NYAP2: variants seen among roughly 807,000 people sequenced by gnomAD.
NYAP2 encodes neuronal tyrosine-phosphorylated phosphoinositide-3-kinase adapter 2.
In NYAP2, 23 loss-of-function variants were observed where a neutral mutation model predicts 50.4. That is an observed-to-expected ratio of 0.46 (90% confidence interval 0.33 to 0.65). The LOEUF (loss-of-function observed/expected upper bound fraction) is 0.65. NYAP2 is among the 30% of genes least tolerant of loss of function. The probability of loss-of-function intolerance (pLI) is 0.02; values close to 1 mark genes in which losing one functional copy is unlikely to be tolerated. For missense variants in NYAP2, 885 were observed against 861.0 expected, an observed-to-expected ratio of 1.03 and a Z score of -0.35; for synonymous variants, 394 against 365.2, an observed-to-expected ratio of 1.08 and a Z score of -0.90.
intron 5 of NYAP2, among the ~76,000 whole-genome samples, chr2:225,625,688 A>C (rs1693196910): frequency 1.3e-5 from 2 of 152,200 alleles, no homozygotes; most frequent in African/African-American, 4.8e-5. Flanking sequence ...GTAGGTTAAC[A>C]GGGAAAGACA....
At chr2:225,663,195 C>A in the NYAP2 span, among the ~76,000 whole-genome samples, 2 of 152,134 alleles carry the variant, frequency 1.3e-5, no homozygotes, top group Non-Finnish European at 2.9e-5. Context: ...GCCACTCCAG[C>A]ATCTTTATGA....
chr2:225,596,988 A>G (rs1692610601), intron 5 of NYAP2, among the ~76,000 whole-genome samples: 1 of 152,202 alleles, frequency 6.6e-6, no homozygotes, highest in African/African-American at 2.4e-5. Context: ...TTGTTTTAAA[A>G]AGTCGTCTGT....
chr2:225,476,730 T>C (rs72974563), intron 3 of NYAP2, among the ~76,000 whole-genome samples: 1,984 of 152,220 alleles, frequency 0.013, 19 homozygotes, highest in Admixed American at 0.024. Flanking sequence ...TCCCTAAACA[T>C]AGAATTGAAG....
intron 4 of NYAP2, among the ~76,000 whole-genome samples, chr2:225,520,592 G>T (rs7420752): frequency 0.3 from 45,974 of 152,000 alleles, 7,118 homozygotes; most frequent in South Asian, 0.48. Context: ...TAGATGTGTG[G>T]TGTTATTTCT....
At chr2:225,408,312 C>T (rs990062194) in intron 2 of NYAP2, among the ~76,000 whole-genome samples, 11 of 151,964 alleles carry the variant, frequency 7.2e-5, no homozygotes, top group African/African-American at 2.2e-4. Flanking sequence ...GGATTCTTTT[C>T]TAGAAAAGTT....
intron 4 of NYAP2, among the ~76,000 whole-genome samples, chr2:225,539,913 A>G (rs1691427398): frequency 6.6e-6 from 1 of 152,160 alleles, no homozygotes; most frequent in African/African-American, 2.4e-5. Context: ...TGCTGCTTAG[A>G]AATTTCTTCT....
intron 3 of NYAP2, among the ~76,000 whole-genome samples, chr2:225,493,727 A>G (rs1275168847): frequency 6.6e-6 from 1 of 152,210 alleles, no homozygotes; most frequent in Non-Finnish European, 1.5e-5. Flanking sequence ...TTTATTCAAA[A>G]TGAATGAAAA....
intron 3 of NYAP2, among the ~76,000 whole-genome samples, chr2:225,448,668 C>T (rs1397585139): frequency 6.6e-6 from 1 of 152,162 alleles, no homozygotes; most frequent in Admixed American, 6.5e-5. Flanking sequence ...CCCTCTCTTC[C>T]CCCAGAGAGC....
chr2:225,444,614 C>T (rs562986275), intron 3 of NYAP2, among the ~76,000 whole-genome samples: 29 of 152,232 alleles, frequency 1.9e-4, no homozygotes, highest in Admixed American at 7.9e-4. Context: ...TCTTGAAGGA[C>T]ATGATTCTTT....
At chr2:225,567,310 G>T (rs1574682279) in intron 4 of NYAP2, among the ~76,000 whole-genome samples, 1 of 152,074 alleles carries the variant, frequency 6.6e-6, no homozygotes, top group Admixed American at 6.5e-5. Flanking sequence ...TTTCATTAAA[G>T]AAATGAAAGT....
upstream of NYAP2, among the ~76,000 whole-genome samples, chr2:225,399,309 G>T (rs1211801015): frequency 6.6e-6 from 1 of 151,956 alleles, no homozygotes. Context: ...GGAGGAGCCA[G>T]TATGAGAAAA....
chr2:225,648,094 A>G (rs1693665843), intron 6 of NYAP2, among the ~76,000 whole-genome samples: 1 of 152,122 alleles, frequency 6.6e-6, no homozygotes, highest in Admixed American at 6.5e-5. Flanking sequence ...TCTGCCTCCC[A>G]GGTTCAAGTG....
At chr2:225,571,433 C>T (rs1476117661) in intron 4 of NYAP2, among the ~76,000 whole-genome samples, 2 of 152,256 alleles carry the variant, frequency 1.3e-5, no homozygotes, top group African/African-American at 4.8e-5. Context: ...CATTTCCATA[C>T]ATCCTTGGAA....
At chr2:225,512,877 CTTCCTTCCTTCCTTCCTTCCT>C (rs1690855894) in intron 3 of NYAP2, among the ~76,000 whole-genome samples, 2 of 127,270 alleles carry the variant, frequency 1.6e-5, no homozygotes, top group Admixed American at 8.7e-5. Flanking sequence ...TCCTTCCTTC[CTTCCTTCCTTCCTTCCTTCCT>C]TTCCTTTCCT....
At chr2:225,645,841 C>A (rs539318138) in intron 6 of NYAP2, among the ~76,000 whole-genome samples, 1 of 152,300 alleles carries the variant, frequency 6.6e-6, no homozygotes, top group South Asian at 2.1e-4. Flanking sequence ...CCGTTCAAGT[C>A]TCAAAGAGCA....
chr2:225,599,656 T>A (rs1692663494), intron 5 of NYAP2, among the ~76,000 whole-genome samples: 1 of 152,156 alleles, frequency 6.6e-6, no homozygotes, highest in South Asian at 2.1e-4. Flanking sequence ...TAAGCTAAAG[T>A]GGGGCTAAGC....
At chr2:225,451,866 A>G (rs529847552) in intron 3 of NYAP2, among the ~76,000 whole-genome samples, 14 of 152,278 alleles carry the variant, frequency 9.2e-5, no homozygotes, top group African/African-American at 3.4e-4. Flanking sequence ...ATTGCTTTAT[A>G]TTAACTTGTT....
chr2:225,666,737 C>T, the NYAP2 span, among the ~76,000 whole-genome samples: 1 of 151,914 alleles, frequency 6.6e-6, no homozygotes, highest in African/African-American at 2.4e-5. Context: ...TTATTTGGAC[C>T]TTTAAAAAGT....
intron 3 of NYAP2, among the ~76,000 whole-genome samples, chr2:225,467,984 G>A (rs1016706330): frequency 2.0e-5 from 3 of 152,124 alleles, no homozygotes; most frequent in Non-Finnish European, 4.4e-5. Context: ...TTCAAAAAAG[G>A]GTGAACTGGA....
Sources: gnomAD v4.1 joint callset for allele counts (sites outside exome capture counted in the v4.1 genomes callset) on GRCh38, gnomAD v4.1.1 for gene constraint, MANE v1.5 for transcripts, NCBI Gene and HGNC (gene_info 2026-07-23, HGNC 2026-07-21) for gene names.